The following FAAH variants were observed in gnomAD, a reference collection of about 807,000 sequenced individuals.
FAAH encodes fatty-acid amide hydrolase 1.
A neutral mutation model predicts 69.7 loss-of-function variants in FAAH; 63 were observed. The ratio of observed to expected loss-of-function variants is 0.90; its 90% CI spans 0.74 to 1.12. FAAH has a LOEUF of 1.12. FAAH is among the 50% of genes most tolerant of loss of function. The pLI, the probability that FAAH is intolerant of heterozygous loss-of-function variation, is 0.00. For synonymous variants in FAAH, 305 were observed against 324.2 expected (o/e 0.94, Z 0.64); for missense variants, 680 against 755.0 (o/e 0.90, Z 1.16).
chr1:46,405,219 C>A lies in FAAH; in HGVS notation c.444+71C>A. 1 of 1,612,610 alleles carries A rather than the reference C, an allele frequency of 6.2e-7. No homozygotes were observed. The highest frequency in any genetic ancestry group is 1.1e-5 in the South Asian group (1 of 90,848). On this transcript the variant is annotated intron_variant, in intron 3 of 14. Transcript: ENST00000243167. This position sits in a 1 kb window ranked among gnomAD's most constrained non-coding sequence, Gnocchi z 4.1. ...TGCCAGCCTGCTCTGCATCTTGGGT[C>A]ATTTTGGGCCCTTAGAGGAGGTATC...
intron 1 of FAAH, 58 bp downstream of exon 1, chr1:46,394,601 T>G: frequency 1.6e-6 from 2 of 1,266,766 alleles, no homozygotes; most frequent in Non-Finnish European, 2.0e-6. Context: ...AGCGGCACTT[T>G]CAGCCGCCGG....
intron 1 of FAAH, among the ~76,000 whole-genome samples, chr1:46,396,586 C>T (rs564189689): frequency 1.4e-4 from 21 of 149,006 alleles, no homozygotes; most frequent in African/African-American, 3.9e-4. Flanking sequence ...GTACTCAAGA[C>T]GGGAGAATGG....
chr1:46,395,034 G>C (rs1277435485), intron 1 of FAAH, among the ~76,000 whole-genome samples: 1 of 152,194 alleles, frequency 6.6e-6, no homozygotes, highest in African/African-American at 2.4e-5. Flanking sequence ...CCGCCTCCCG[G>C]GTGCAAGCGA....
Position 46,411,033 on chromosome 1 carries a change from C to G in FAAH, c.1316+179C>G. The G allele has an allele frequency of 1.3e-6, 1 of 759,732 alleles. No individual in the cohort carries two copies. Among genetic ancestry groups the G allele is most frequent in the Non-Finnish European group, 2.3e-6 (1 of 431,542 alleles). 47.1% of individuals were successfully genotyped at this position (759,732 alleles called of 1,614,324 possible). On this transcript the variant is annotated intron_variant, in intron 11 of 14. Coordinates refer to ENST00000243167, the MANE Select transcript of FAAH (RefSeq NM_001441.3). This position sits in a 1 kb window ranked among gnomAD's most constrained non-coding sequence, Gnocchi z 4.8. ...GACTTTGAAGTTGTCTTGGCAAGGT[C>G]CAGTTCTGGCTGGAGAGCAAAGGCC...
intron 13 of FAAH, 137 bp downstream of exon 13, chr1:46,412,388 C>T: frequency 1.4e-6 from 1 of 733,820 alleles, no homozygotes. Flanking sequence ...GGAGACATGG[C>T]AGTCATGTGG....
At chr1:46,395,899 T>C (rs1664588723) in intron 1 of FAAH, among the ~76,000 whole-genome samples, 1 of 152,168 alleles carries the variant, frequency 6.6e-6, no homozygotes, top group South Asian at 2.1e-4. Flanking sequence ...TGTGGGTATT[T>C]CTCCTCAGGT....
In FAAH at chr1:46,394,521, C is replaced by A; in HGVS notation, c.173C>A (p.Ala58Glu). Residue 58 changes from alanine (A) to glutamate (E), a missense_variant, in exon 1 of 15, where the codon GCG becomes GAG. Transcript: ENST00000243167. ...GCGGGCCTGGAGAACATGGACAGGGCGGCGCAGCGCTTCCGGCTCCAGGTG... is the reference window on the plus strand; with the variant it reads ...GCGGGCCTGGAGAACATGGACAGGGAGGCGCAGCGCTTCCGGCTCCAGGTG... ...QRAGLENMDR[A>E]AQRFRLQNPD... is the part of the protein sequence containing the mutation. 2 of 1,377,088 alleles carry A rather than the reference C, an allele frequency of 1.5e-6. No individual in the cohort carries two copies. Among genetic ancestry groups the A allele is most frequent in the African/African-American group, 1.5e-5 (1 of 65,864 alleles). 85.3% of individuals were successfully genotyped at this position (1,377,088 alleles called of 1,614,324 possible). A position where few individuals can be genotyped will look rare whatever the true frequency, so the allele number is the denominator to read the frequency against.
rs1664785803 is a variant in FAAH at position 46,405,925 on chromosome 1, C to T, written c.786-113C>T. 3 of 1,611,446 alleles carry T rather than the reference C, an allele frequency of 1.9e-6. No individual in the cohort carries two copies. Among genetic ancestry groups the T allele is most frequent in the South Asian group, 2.2e-5 (2 of 90,862 alleles). Reference sequence around the variant, plus strand: ...GGAGGAAGCATTACAGTACCACTGGCCGGGCGTGGGTCCTAGTTTCCAAAG... The same window carrying T: ...GGAGGAAGCATTACAGTACCACTGGTCGGGCGTGGGTCCTAGTTTCCAAAG... On this transcript the variant is annotated intron_variant, in intron 5 of 14. Coordinates refer to ENST00000243167, the MANE Select transcript of FAAH (RefSeq NM_001441.3). The surrounding 1 kb of genome is among the most constrained non-coding windows in gnomAD (Gnocchi z 4.1).
Position 46,405,959 on chromosome 1 carries a change from G to A in FAAH, c.786-79G>A, listed in dbSNP as rs1664786516. The A allele has an allele frequency of 4.3e-6, 7 of 1,613,304 alleles. No homozygotes were observed. The South Asian group carries it at 6.6e-5, about 15-fold the overall frequency. On this transcript the variant is annotated intron_variant, in intron 5 of 14. Transcript: ENST00000243167. The surrounding 1 kb of genome is among the most constrained non-coding windows in gnomAD (Gnocchi z 4.1). ...GGTCCTAGTTTCCAAAGCGGTGAGTGTTCAGAGCTGCTCTGTGGGTGTGGG... is the reference window on the plus strand; with the variant it reads ...GGTCCTAGTTTCCAAAGCGGTGAGTATTCAGAGCTGCTCTGTGGGTGTGGG...
At position 46,410,122 on chromosome 1, in the gene FAAH, A is replaced by G. The variant is rs1037543406; in HGVS notation, c.1176-276A>G. 1.9e-4 allele frequency: 79 copies of G among 413,208 alleles called. 1 individual carries two copies. The highest frequency in any genetic ancestry group is 5.4e-5 in the South Asian group (2 of 36,872). The allele number at this position is 413,208 out of a possible 1,614,324, so 25.6% of individuals were successfully genotyped here. On this transcript the variant is annotated intron_variant, in intron 9 of 14. Transcript: ENST00000243167. This position sits in a 1 kb window ranked among gnomAD's most constrained non-coding sequence, Gnocchi z 4.9. Reference sequence around the variant, plus strand: ...TACCCTCAGGGAGGCCTCATCAGGGAGATGTTGCCCTCAGTTCTTAGAGCT... The same window carrying G: ...TACCCTCAGGGAGGCCTCATCAGGGGGATGTTGCCCTCAGTTCTTAGAGCT...
In FAAH at chr1:46,405,672, AGGGGCCCTCATC is replaced by A. The variant is rs1354018248; in HGVS notation, c.667_678del (p.Ala223_Gly226del). ...GCCCAGGGGGCTCCTCAGGGGGTGAAGGGGCCCTCATCGGGTCTGGAGGCTCCCCCCTGGGCT... is the reference window on the plus strand; with the variant it reads ...GCCCAGGGGGCTCCTCAGGGGGTGAAGGGTCTGGAGGCTCCCCCCTGGGCT... On this transcript the variant is annotated inframe_deletion, in exon 5 of 15. Coordinates refer to ENST00000243167, the MANE Select transcript of FAAH (RefSeq NM_001441.3). This position sits in a 1 kb window ranked among gnomAD's most constrained non-coding sequence, Gnocchi z 4.1. 6.2e-7 allele frequency: 1 copy of A among 1,613,424 alleles called. No homozygotes were observed. Among genetic ancestry groups the A allele is most frequent in the Non-Finnish European group, 8.5e-7 (1 of 1,180,034 alleles).
chr1:46,411,532 G>T lies in FAAH; in HGVS notation c.1317-80G>T, dbSNP rs113805234. On this transcript the variant is annotated intron_variant, in intron 11 of 14. Transcript: ENST00000243167. The surrounding 1 kb of genome is among the most constrained non-coding windows in gnomAD (Gnocchi z 4.8). The stretch of plus-strand genomic sequence containing the variant: ...GGTCCACGGAGGGGTGAGATCTAGA[G>T]GGTTGGCAGTAGGGGTCTGATGTTG... The T allele has an allele frequency of 1.3e-6, 2 of 1,483,726 alleles. No individual in the cohort carries two copies. The highest frequency in any genetic ancestry group is 2.3e-5 in the South Asian group (2 of 85,810). 91.9% of individuals were successfully genotyped at this position (1,483,726 alleles called of 1,614,324 possible).
At chr1:46,401,361 TC>T (rs1464849571) in intron 1 of FAAH, among the ~76,000 whole-genome samples, 1 of 152,090 alleles carries the variant, frequency 6.6e-6, no homozygotes, top group Non-Finnish European at 1.5e-5. Context: ...ACTGGAACAC[TC>T]ACTGTGAGGG....
At position 46,394,472 on chromosome 1, in the gene FAAH, G is replaced by A. The variant is rs1291806503; in HGVS notation, c.124G>A (p.Val42Ile). ...SGRRTARGAV[V>I]RARQRQRAGL... The stretch of plus-strand genomic sequence containing the variant: ...GCGCCGGACGGCGCGGGGCGCGGTG[G>A]TCCGGGCGCGACAGAGGCAGCGAGC... The change falls in exon 1 of 15, where the codon GTC becomes ATC. Residue 42 changes from valine to isoleucine, a missense_variant. Transcript: ENST00000243167. 8 of 1,387,988 alleles carry A rather than the reference G, an allele frequency of 5.8e-6. No individual in the cohort carries two copies. Among genetic ancestry groups the A allele is most frequent in the Admixed American group, 3.3e-5 (1 of 29,926 alleles). 86.0% of individuals were successfully genotyped at this position (1,387,988 alleles called of 1,614,324 possible).
At position 46,410,916 on chromosome 1, in the gene FAAH, G is replaced by A. The variant is rs376207129; in HGVS notation, c.1316+62G>A. ...CTGTCCTGATCCGAGTCTGGGTCTG[G>A]GTAGTTTCTGACAGGAAAGGACTTG... On this transcript the variant is annotated intron_variant, in intron 11 of 14. Coordinates refer to ENST00000243167, the MANE Select transcript of FAAH (RefSeq NM_001441.3). The surrounding 1 kb of genome is among the most constrained non-coding windows in gnomAD (Gnocchi z 4.9). 6.9e-6 allele frequency: 11 copies of A among 1,605,710 alleles called. No homozygotes were observed. The highest frequency in any genetic ancestry group is 1.3e-5 in the African/African-American group (1 of 74,764).
chr1:46,397,006 T>A (rs1664608561), intron 1 of FAAH, among the ~76,000 whole-genome samples: 1 of 152,250 alleles, frequency 6.6e-6, no homozygotes, highest in Non-Finnish European at 1.5e-5. Flanking sequence ...TTTTAGGGTT[T>A]CTTCCTTCCA....
chr1:46,397,321 A>G (rs1664614295), intron 1 of FAAH, among the ~76,000 whole-genome samples: 1 of 152,200 alleles, frequency 6.6e-6, no homozygotes, highest in Admixed American at 6.5e-5. Context: ...TCGGCTCCAA[A>G]CAGCAGCATC....
chr1:46,405,579 C>T lies in FAAH; in HGVS notation c.579-9C>T. The T allele has an allele frequency of 6.2e-7, 1 of 1,613,390 alleles. No individual in the cohort carries two copies. The highest frequency in any genetic ancestry group is 2.2e-5 in the East Asian group (1 of 44,886). ...ATGGCACGGGCTGACCCATTCTTGG[C>T]TCCTCCAGCTATGACTGCAGTAACC... On this transcript the variant is annotated splice_polypyrimidine_tract_variant and intron_variant, in intron 4 of 14. Transcript: ENST00000243167. The surrounding 1 kb of genome is among the most constrained non-coding windows in gnomAD (Gnocchi z 4.1).
At position 46,404,933 on chromosome 1, in the gene FAAH, G is replaced by C; in HGVS notation, c.310-81G>C. On this transcript the variant is annotated intron_variant, in intron 2 of 14. Transcript: ENST00000243167. The surrounding 1 kb of genome is among the most constrained non-coding windows in gnomAD (Gnocchi z 4.5). ...TCCCTGGGTATACTTTAAAAGGCCA[G>C]TTCTACATGATGTATATTTCACCAC... 2 of 1,599,058 alleles carry C rather than the reference G, an allele frequency of 1.3e-6. No homozygotes were observed. Among genetic ancestry groups the C allele is most frequent in the South Asian group, 2.2e-5 (2 of 90,108 alleles).
Sources: gnomAD v4.1 joint callset for allele counts (sites outside exome capture counted in the v4.1 genomes callset) on GRCh38, gnomAD v4.1.1 for gene constraint, Gnocchi (gnomAD v3.1) non-coding constraint, MANE v1.5 for transcripts, NCBI Gene and HGNC (gene_info 2026-07-23, HGNC 2026-07-21) for gene names.